The following LRRC4C variants were observed in gnomAD, a reference collection of about 807,000 sequenced individuals.
The protein encoded by LRRC4C is leucine-rich repeat-containing protein 4C.
LRRC4C carries 5 observed loss-of-function variants against 33.6 expected under a neutral mutation model. The observed-to-expected ratio is 0.15, with a 90% CI of 0.08 to 0.31. LRRC4C has a LOEUF of 0.31. Ranked by LOEUF, LRRC4C falls within the 10% of genes least tolerant of loss-of-function variation. The pLI, the probability that LRRC4C is intolerant of heterozygous loss-of-function variation, is 1.00. For synonymous variants in LRRC4C, 329 were observed against 302.0 expected (o/e 1.09, Z -0.93); for missense variants, 560 against 796.7 (o/e 0.70, Z 3.58).
intron 2 of LRRC4C, among the ~76,000 whole-genome samples, chr11:40,892,409 T>C (rs1348780747): frequency 6.6e-6 from 1 of 152,058 alleles, no homozygotes; most frequent in Non-Finnish European, 1.5e-5. Context: ...AGAACCACCA[T>C]ATGACCCAGC....
At chr11:41,033,767 A>T (rs1338581031) in intron 1 of LRRC4C, among the ~76,000 whole-genome samples, 1 of 152,114 alleles carries the variant, frequency 6.6e-6, no homozygotes, top group Non-Finnish European at 1.5e-5. Context: ...CATTAAAGAT[A>T]ATGTGTAAAT....
intron 1 of LRRC4C, among the ~76,000 whole-genome samples, chr11:41,047,612 T>A (rs1187402565): frequency 1.3e-5 from 2 of 152,128 alleles, no homozygotes; most frequent in Non-Finnish European, 1.5e-5. Context: ...AAAGATTACC[T>A]TAACTGTTTC....
intron 3 of LRRC4C, among the ~76,000 whole-genome samples, chr11:40,349,790 T>C (rs763853397): frequency 1.3e-5 from 2 of 152,188 alleles, no homozygotes; most frequent in Non-Finnish European, 2.9e-5. Context: ...TGATACCTCA[T>C]TGTAATTTCG....
intron 1 of LRRC4C, among the ~76,000 whole-genome samples, chr11:41,206,826 A>G (rs768617350): frequency 7.2e-5 from 11 of 152,142 alleles, no homozygotes; most frequent in Admixed American, 5.9e-4. Flanking sequence ...CAAGGAGAAT[A>G]CTGTCATTGT....
intron 2 of LRRC4C, among the ~76,000 whole-genome samples, chr11:40,811,805 C>G (rs761886461): frequency 2.0e-5 from 3 of 152,144 alleles, no homozygotes; most frequent in African/African-American, 4.8e-5. Flanking sequence ...CAAATGGCAT[C>G]TACTTTAGGC....
At chr11:40,842,150 C>A (rs1044562113) in intron 2 of LRRC4C, among the ~76,000 whole-genome samples, 3 of 152,174 alleles carry the variant, frequency 2.0e-5, no homozygotes, top group Non-Finnish European at 4.4e-5. Flanking sequence ...TTATCACTTA[C>A]ACCTGTTTGT....
chr11:41,447,688 T>C, intron 1 of LRRC4C, among the ~76,000 whole-genome samples: 1 of 152,174 alleles, frequency 6.6e-6, no homozygotes, highest in East Asian at 1.9e-4. Flanking sequence ...AAGTATATAA[T>C]ACAATTTAAC....
At chr11:41,180,128 T>C (rs1463514238) in intron 1 of LRRC4C, among the ~76,000 whole-genome samples, 1 of 152,100 alleles carries the variant, frequency 6.6e-6, no homozygotes, top group African/African-American at 2.4e-5. Flanking sequence ...ATGTTTCAGA[T>C]AGATCTAAAA....
At chr11:40,486,154 TAAAA>T (rs11415781) in intron 3 of LRRC4C, among the ~76,000 whole-genome samples, 5,534 of 133,452 alleles carry the variant, frequency 0.041, 310 homozygotes, top group African/African-American at 0.12. Context: ...GACAAAAGTT[TAAAA>T]AAAAAAAAAA....
chr11:41,087,687 C>G (rs1940106900), intron 1 of LRRC4C, among the ~76,000 whole-genome samples: 1 of 152,012 alleles, frequency 6.6e-6, no homozygotes, highest in Admixed American at 6.6e-5. Context: ...TTAAGTCAGA[C>G]CATCTGAATT....
chr11:40,176,936 T>TC (rs1313130516), intron 5 of LRRC4C, among the ~76,000 whole-genome samples: 3 of 140,352 alleles, frequency 2.1e-5, no homozygotes, highest in Non-Finnish European at 3.1e-5. Context: ...GAGTCTTTTT[T>TC]TTTTTTTTTT....
rs1400724995 is a variant in LRRC4C, at chr11:40,648,294, G to T, written c.-406-16C>A. On this transcript the variant is annotated splice_polypyrimidine_tract_variant and intron_variant, in intron 2 of 6. Coordinates refer to ENST00000528697, the MANE Select transcript of LRRC4C (RefSeq NM_001258419.2). ...CCAGTAACTCCTACATAAAATAGAA[G>T]AAAAAGATATAATTAGGATTATTTA... 6.6e-6 allele frequency: 1 copy of T among 151,792 alleles called. No homozygotes were observed. Among genetic ancestry groups the T allele is most frequent in the Non-Finnish European group, 1.5e-5 (1 of 67,950 alleles). 9.4% of individuals were successfully genotyped at this position (151,792 alleles called of 1,614,324 possible).
At chr11:40,970,229 A>C (rs1413037358) in intron 1 of LRRC4C, among the ~76,000 whole-genome samples, 1 of 152,148 alleles carries the variant, frequency 6.6e-6, no homozygotes, top group Non-Finnish European at 1.5e-5. Context: ...GTTGAATTGT[A>C]ATCCTCAATG....
intron 1 of LRRC4C, among the ~76,000 whole-genome samples, chr11:40,986,671 A>C (rs1278333569): frequency 6.6e-6 from 1 of 152,142 alleles, no homozygotes; most frequent in African/African-American, 2.4e-5. Context: ...TGATTTTATA[A>C]TTTATGAATA....
chr11:41,427,385 T>C (rs1158747243), intron 1 of LRRC4C, among the ~76,000 whole-genome samples: 1 of 152,072 alleles, frequency 6.6e-6, no homozygotes, highest in East Asian at 1.9e-4. Flanking sequence ...TTAGATTCTG[T>C]CATCAAGAGA....
At chr11:40,149,421 C>T (rs1009071524) in intron 5 of LRRC4C, among the ~76,000 whole-genome samples, 3 of 151,938 alleles carry the variant, frequency 2.0e-5, no homozygotes, top group African/African-American at 4.8e-5. Flanking sequence ...TAGCTGTATT[C>T]CTGGTATTTT....
chr11:40,651,814 C>A (rs1252401772), intron 2 of LRRC4C, among the ~76,000 whole-genome samples: 1 of 152,158 alleles, frequency 6.6e-6, no homozygotes, highest in Non-Finnish European at 1.5e-5. Flanking sequence ...GTGGAAGAAG[C>A]TAGTTTTGCT....
chr11:40,345,488 C>T (rs1590384610), intron 3 of LRRC4C, among the ~76,000 whole-genome samples: 1 of 152,148 alleles, frequency 6.6e-6, no homozygotes, highest in Non-Finnish European at 1.5e-5. Flanking sequence ...GGAGAACTGG[C>T]TAGCCATATG....
At chr11:40,118,113 ATTG>A (rs1237866883) in intron 6 of LRRC4C, among the ~76,000 whole-genome samples, 2 of 148,548 alleles carry the variant, frequency 1.3e-5, no homozygotes, top group African/African-American at 4.9e-5. Flanking sequence ...TTCATTATAA[ATTG>A]TTAATATGAA....
Sources: gnomAD v4.1 joint callset for allele counts (sites outside exome capture counted in the v4.1 genomes callset) on GRCh38, gnomAD v4.1.1 for gene constraint, MANE v1.5 for transcripts, NCBI Gene and HGNC (gene_info 2026-07-23, HGNC 2026-07-21) for gene names.